CNTN3: variants seen among roughly 807,000 people sequenced by gnomAD.
CNTN3 encodes the protein contactin-3.
In CNTN3, 60 loss-of-function variants were observed where a neutral mutation model predicts 119.1. That is an observed-to-expected ratio of 0.50 (90% CI 0.41 to 0.62). CNTN3 has a LOEUF of 0.62. CNTN3 is among the 20% of genes least tolerant of loss of function. The probability of loss-of-function intolerance (pLI) is 0.00; values close to 1 mark genes in which losing one functional copy is unlikely to be tolerated. For missense variants in CNTN3, 1,101 were observed against 1,242.4 expected (o/e 0.89, Z 1.71); for synonymous variants, 450 against 438.7 (o/e 1.03, Z -0.32).
intron 5 of CNTN3, among the ~76,000 whole-genome samples, chr3:74,374,574 T>G (rs11919225): frequency 0.047 from 7,129 of 152,092 alleles, 578 homozygotes; most frequent in African/African-American, 0.16. Flanking sequence ...GATTGATTCT[T>G]GGTACCTGCC....
At chr3:74,551,873 C>T (rs1280284361) in intron 1 of CNTN3, among the ~76,000 whole-genome samples, 1 of 146,354 alleles carries the variant, frequency 6.8e-6, no homozygotes, top group African/African-American at 2.5e-5. Context: ...CAGAGATTGT[C>T]CTGTCTCAGC....
chr3:74,467,126 G>A (rs929621890), intron 4 of CNTN3, among the ~76,000 whole-genome samples: 2 of 151,676 alleles, frequency 1.3e-5, no homozygotes, highest in African/African-American at 2.4e-5. Context: ...TTTCAAAAAA[G>A]GTATACTATA....
At chr3:74,404,379 T>C (rs1471560508) in intron 5 of CNTN3, among the ~76,000 whole-genome samples, 1 of 152,132 alleles carries the variant, frequency 6.6e-6, no homozygotes, top group Non-Finnish European at 1.5e-5. Context: ...AGGAAGATAG[T>C]TGTTAAATCT....
intron 1 of CNTN3, among the ~76,000 whole-genome samples, chr3:74,601,581 G>A (rs1324159849): frequency 1.3e-5 from 2 of 152,108 alleles, no homozygotes; most frequent in Non-Finnish European, 2.9e-5. Context: ...AAAAACTAGA[G>A]GGCATTTACA....
chr3:74,465,029 T>G (rs572864775), intron 4 of CNTN3, among the ~76,000 whole-genome samples: 1 of 152,288 alleles, frequency 6.6e-6, no homozygotes, highest in African/African-American at 2.4e-5. Context: ...CAGGGAAAAG[T>G]CATGGTGATT....
In CNTN3 at chr3:74,596,343, G is replaced by A. The variant is rs149041835; in HGVS notation, c.-81+18048C>T. 7.4e-4 allele frequency among the ~76,000 whole-genome samples: 113 copies of A among 152,050 alleles called. No homozygotes were observed. In the East Asian group the frequency reaches 8.7e-3, roughly 12 times the overall value. Reference sequence around the variant, plus strand: ...CAGAACTGGAAAAAACTACTTTAACGTTCATGTGGAACCAAAAAAGAGCCC... The same window carrying A: ...CAGAACTGGAAAAAACTACTTTAACATTCATGTGGAACCAAAAAAGAGCCC... On this transcript the variant is annotated intron_variant, in intron 1 of 22. Transcript: ENST00000263665.
intron 11 of CNTN3, among the ~76,000 whole-genome samples, chr3:74,345,220 C>T (rs1252677012): frequency 6.6e-6 from 1 of 152,182 alleles, no homozygotes; most frequent in Non-Finnish European, 1.5e-5. Flanking sequence ...TTCCCAGTAA[C>T]ATCTCAGTCC....
chr3:74,511,193 TACAA>T (rs1015787513), intron 2 of CNTN3, among the ~76,000 whole-genome samples: 33 of 152,098 alleles, frequency 2.2e-4, no homozygotes, highest in African/African-American at 7.7e-4. Context: ...TTCACCTTCT[TACAA>T]ACAAAAAATC....
intron 2 of CNTN3, 107 bp from the exon 3 acceptor site, chr3:74,499,892 C>G: frequency 9.2e-7 from 1 of 1,081,470 alleles, no homozygotes; most frequent in Non-Finnish European, 1.3e-6. Context: ...TAGTACTGCT[C>G]CATTTGCATA....
intron 1 of CNTN3, among the ~76,000 whole-genome samples, chr3:74,540,039 T>C (rs1475030669): frequency 6.6e-6 from 1 of 152,228 alleles, no homozygotes; most frequent in Non-Finnish European, 1.5e-5. Flanking sequence ...CAGGGGACAA[T>C]GTTTCTAAGA....
At chr3:74,269,015 G>T (rs1423936626) in intron 20 of CNTN3, among the ~76,000 whole-genome samples, 1 of 145,758 alleles carries the variant, frequency 6.9e-6, no homozygotes, top group African/African-American at 2.6e-5. Flanking sequence ...AATGAGTTCA[G>T]CCTGAAATGA....
intron 11 of CNTN3, among the ~76,000 whole-genome samples, chr3:74,354,952 G>C (rs1476994407): frequency 6.6e-6 from 1 of 152,024 alleles, no homozygotes. Context: ...ACCCTTCCTA[G>C]AAAGTTGTAT....
chr3:74,525,127 G>C (rs144659813), intron 1 of CNTN3, among the ~76,000 whole-genome samples: 1 of 151,704 alleles, frequency 6.6e-6, no homozygotes, highest in East Asian at 2.0e-4. Context: ...ATCTGTGTCT[G>C]GCTTAACAAG....
intron 1 of CNTN3, among the ~76,000 whole-genome samples, chr3:74,531,349 G>C (rs1168508102): frequency 6.6e-6 from 1 of 151,926 alleles, no homozygotes; most frequent in East Asian, 1.9e-4. Flanking sequence ...GGAAAGACTA[G>C]AAAGCTGACT....
chr3:74,301,366 T>G, intron 16 of CNTN3, 32 bp downstream of exon 16: 1 of 1,602,378 alleles, frequency 6.2e-7, no homozygotes, highest in Non-Finnish European at 8.5e-7. Context: ...CAGAAATCTA[T>G]TAATCCATTA....
chr3:74,542,983 C>A (rs943526400), intron 1 of CNTN3, among the ~76,000 whole-genome samples: 1 of 152,020 alleles, frequency 6.6e-6, no homozygotes, highest in African/African-American at 2.4e-5. Flanking sequence ...ATTAGCCAGG[C>A]ATGGTGGCAT....
intron 4 of CNTN3, among the ~76,000 whole-genome samples, chr3:74,441,494 T>C (rs1701965744): frequency 6.6e-6 from 1 of 152,182 alleles, no homozygotes; most frequent in South Asian, 2.1e-4. Context: ...AGAAATGCAT[T>C]ACACAGGATG....
At chr3:74,273,346 T>C (rs2106755601) in intron 20 of CNTN3, among the ~76,000 whole-genome samples, 1 of 152,246 alleles carries the variant, frequency 6.6e-6, no homozygotes, top group East Asian at 1.9e-4. Context: ...GACAGAGCAG[T>C]GTGTGGAGGC....
At chr3:74,271,296 C>T (rs1305351500) in intron 20 of CNTN3, among the ~76,000 whole-genome samples, 1 of 152,114 alleles carries the variant, frequency 6.6e-6, no homozygotes, top group Non-Finnish European at 1.5e-5. Flanking sequence ...ACAGCATAAC[C>T]TCCACTGTAT....
Sources: allele counts gnomAD v4.1 joint callset (sites outside exome capture counted in the v4.1 genomes callset), GRCh38; gene constraint gnomAD v4.1.1; transcripts MANE v1.5; gene names NCBI Gene and HGNC (gene_info 2026-07-23, HGNC 2026-07-21).